The following ANKMY1 variants were observed in gnomAD, a reference collection of about 807,000 sequenced individuals.
ANKMY1 encodes ankyrin repeat and MYND domain containing 1, also known as ankyrin repeat and MYND domain-containing protein 1.
In ANKMY1, 98 loss-of-function variants were observed where a neutral mutation model predicts 102.0. The ratio of observed to expected loss-of-function variants is 0.96; its 90% CI spans 0.82 to 1.14. The LOEUF (loss-of-function observed/expected upper bound fraction) is 1.14, where lower values mean the gene tolerates loss of function less well. ANKMY1 is among the 50% of genes most tolerant of loss of function. The probability of loss-of-function intolerance (pLI) is 0.00; values close to 1 mark genes in which losing one functional copy is unlikely to be tolerated. For missense variants in ANKMY1, 1,330 were observed against 1,347.6 expected (o/e 0.99, Z 0.20); for synonymous variants, 582 against 559.9 (o/e 1.04, Z -0.56).
chr2:240,523,702 G>A (rs527633609), intron 8 of ANKMY1, 183 bp downstream of exon 8: 291 of 1,025,282 alleles, frequency 2.8e-4, no homozygotes, highest in Middle Eastern at 1.6e-3. Context: ...GCCCGTCACC[G>A]TGGCACCCCC....
intron 16 of ANKMY1, 48 bp downstream of exon 16, chr2:240,482,130 TCCAAA>T: frequency 6.3e-7 from 1 of 1,589,272 alleles, no homozygotes. Context: ...AACAGCACTG[TCCAAA>T]CCACAGGCTG....
chr2:240,472,716 A>C, the ANKMY1 span, among the ~76,000 whole-genome samples: 41 of 152,202 alleles, frequency 2.7e-4, no homozygotes, highest in Non-Finnish European at 2.9e-5. Flanking sequence ...AACCCTTCAG[A>C]GACCCAACAG....
At chr2:240,521,489 AGCTTT>A (rs1317897684) in intron 8 of ANKMY1, among the ~76,000 whole-genome samples, 16 of 123,518 alleles carry the variant, frequency 1.3e-4, no homozygotes, top group Non-Finnish European at 2.5e-4. Context: ...GCGGTGTTAC[AGCTTT>A]TTTTTTTTTT....
chr2:240,560,607 C>A (rs2092891324), upstream of ANKMY1: 1 of 1,357,476 alleles, frequency 7.4e-7, no homozygotes, highest in Non-Finnish European at 9.4e-7. Context: ...CCGGCTCCCA[C>A]AAATAGACTC....
intron 2 of ANKMY1, 156 bp from the exon 3 acceptor site, chr2:240,555,211 C>T (rs1190300306): frequency 9.1e-6 from 7 of 767,576 alleles, no homozygotes; most frequent in African/African-American, 5.3e-5. Flanking sequence ...GAGAGAAAAC[C>T]GAGGCACAGA....
At chr2:240,483,114 C>T (rs766776952) in intron 15 of ANKMY1, among the ~76,000 whole-genome samples, 10 of 152,006 alleles carry the variant, frequency 6.6e-5, no homozygotes, top group Non-Finnish European at 5.9e-5. Context: ...TTGCTGTTCC[C>T]ATGTTAGTTT....
chr2:240,521,836 C>T (rs2082344027), intron 8 of ANKMY1: 1 of 152,234 alleles, frequency 6.6e-6, no homozygotes, highest in East Asian at 1.9e-4. Flanking sequence ...TCTGGAATTT[C>T]TTCCTTCCGG....
At chr2:240,512,147 G>C (rs1484729691) in intron 10 of ANKMY1, 146 bp from the exon 11 acceptor site, 4 of 1,016,480 alleles carry the variant, frequency 3.9e-6, no homozygotes, top group Non-Finnish European at 4.0e-6. Flanking sequence ...GCCTGACTTT[G>C]TTCGAGCCTC....
At chr2:240,492,126 A>G (rs1435476218) in intron 15 of ANKMY1, among the ~76,000 whole-genome samples, 2 of 152,088 alleles carry the variant, frequency 1.3e-5, no homozygotes, top group Non-Finnish European at 2.9e-5. Flanking sequence ...CCAAGCAGCT[A>G]GTACTACAGG....
the ANKMY1 span, among the ~76,000 whole-genome samples, chr2:240,473,714 T>A: frequency 6.6e-6 from 1 of 152,188 alleles, no homozygotes; most frequent in African/African-American, 2.4e-5. Flanking sequence ...GTTCAACATA[T>A]GAAAACCTAT....
At chr2:240,511,177 G>T (rs1247915859) in intron 11 of ANKMY1, among the ~76,000 whole-genome samples, 2 of 152,134 alleles carry the variant, frequency 1.3e-5, no homozygotes, top group African/African-American at 4.8e-5. Context: ...ATGCCCACTA[G>T]CACACATGGC....
the ANKMY1 span, among the ~76,000 whole-genome samples, chr2:240,474,090 A>C: frequency 8.5e-6 from 1 of 117,556 alleles, no homozygotes; most frequent in Non-Finnish European, 1.7e-5. Context: ...GTTTGCCAAT[A>C]ACATGATCTT....
At position 240,520,085 on chromosome 2, in the gene ANKMY1, C is replaced by T. The variant is rs1308183200; in HGVS notation, c.2004+277G>A. On this transcript the variant is annotated intron_variant, in intron 9 of 17. Coordinates refer to ENST00000401804, the MANE Select transcript of ANKMY1 (RefSeq NM_001282771.3). This position sits in a 1 kb window ranked among gnomAD's most constrained non-coding sequence, Gnocchi z 4.8. ...CCCTTTCCAAGGGGCCTTCAGGATG[C>T]GCTTCCCCTTAGTTTGCTTCAACAC... 6 of 639,268 alleles carry T rather than the reference C, an allele frequency of 9.4e-6. No homozygotes were observed. In the East Asian group the frequency reaches 1.3e-4, roughly 14 times the overall value. The allele number at this position is 639,268 out of a possible 1,614,324, so 39.6% of individuals were successfully genotyped here. A position where few individuals can be genotyped will look rare whatever the true frequency, so the allele number is the denominator to read the frequency against.
chr2:240,561,052 G>T (rs1357595475), upstream of ANKMY1: 4 of 1,502,680 alleles, frequency 2.7e-6, no homozygotes, highest in African/African-American at 2.8e-5. Flanking sequence ...CGGCACCGCG[G>T]CCTCAGCCTG....
chr2:240,540,205 G>A (rs1400217294), intron 4 of ANKMY1, among the ~76,000 whole-genome samples: 1 of 152,092 alleles, frequency 6.6e-6, no homozygotes, highest in Non-Finnish European at 1.5e-5. Flanking sequence ...CACCTTTTTG[G>A]ACCTAACCAA....
chr2:240,501,248 A>T (rs2078137467), intron 13 of ANKMY1, among the ~76,000 whole-genome samples: 1 of 152,078 alleles, frequency 6.6e-6, no homozygotes, highest in Admixed American at 6.5e-5. Flanking sequence ...GTGTGTGTGC[A>T]TGTATGAGTA....
In ANKMY1 at chr2:240,523,950, C is replaced by A. The variant is rs147068466; in HGVS notation, c.1767G>T (p.Ser589=). 3 of 1,613,656 alleles carry A rather than the reference C, an allele frequency of 1.9e-6. No individual in the cohort carries two copies. Among genetic ancestry groups the A allele is most frequent in the South Asian group, 1.1e-5 (1 of 91,090 alleles). ...AQSHSLLKMA[S]PSPCTSSFDK... The stretch of plus-strand genomic sequence containing the variant: ...CGAAGCTGCTGGTGCACGGTGAGGG[C>A]GAGGCCATCTTCAGCAAGCTGTGGG... Residue 589 remains serine (S), a synonymous_variant, in exon 8 of 18, where the codon TCG becomes TCT. Transcript: ENST00000401804.
At position 240,509,272 on chromosome 2, in the gene ANKMY1, A is replaced by G. The variant is rs2079668371; in HGVS notation, c.2394+76T>C. On this transcript the variant is annotated intron_variant, in intron 12 of 17. Coordinates refer to ENST00000401804, the MANE Select transcript of ANKMY1 (RefSeq NM_001282771.3). ...AAATGGCCAACAACTTCAAATCCCA[A>G]TGACGGACTGGTGGGGTGGGCACTG... 7 of 1,233,878 alleles carry G rather than the reference A, an allele frequency of 5.7e-6. No individual in the cohort carries two copies. In the Middle Eastern group the frequency reaches 7.4e-4, roughly 131 times the overall value. 76.4% of individuals were successfully genotyped at this position (1,233,878 alleles called of 1,614,324 possible). A position where few individuals can be genotyped will look rare whatever the true frequency, so the allele number is the denominator to read the frequency against.
rs2075363118 is a variant in ANKMY1 at position 240,481,372 on chromosome 2, G to GCACATCCATT, written c.2886-285_2886-276dup. On this transcript the variant is annotated intron_variant, in intron 16 of 17. Coordinates refer to ENST00000401804, the MANE Select transcript of ANKMY1 (RefSeq NM_001282771.3). ...ACCAGTAGGGGCTGGTTCAGTGAAT[G>GCACATCCATT]CACATCCATTCAGGAGACCGCCGTG... is the stretch of plus-strand genomic sequence containing the variant. 2.0e-5 allele frequency among the ~76,000 whole-genome samples: 3 copies of GCACATCCATT among 152,364 alleles called. No individual in the cohort carries two copies. The South Asian group carries it at 6.2e-4, about 32-fold the overall frequency.
Sources: allele counts gnomAD v4.1 joint callset (sites outside exome capture counted in the v4.1 genomes callset), GRCh38; gene constraint gnomAD v4.1.1; non-coding constraint Gnocchi (gnomAD v3.1); transcripts MANE v1.5; gene names NCBI Gene and HGNC (gene_info 2026-07-23, HGNC 2026-07-21).